The following ASCC3 variants were observed in gnomAD, a reference collection of about 807,000 sequenced individuals.
ASCC3 encodes the protein activating signal cointegrator 1 complex subunit 3, also known as ASC-1 complex subunit P200.
ASCC3 carries 158 observed loss-of-function variants against 256.3 expected under a neutral mutation model. The observed-to-expected ratio is 0.62, with a 90% CI of 0.54 to 0.70. ASCC3 has a LOEUF of 0.70. ASCC3 is among the 30% of genes least tolerant of loss of function. The pLI, the probability that ASCC3 is intolerant of heterozygous loss-of-function variation, is 0.00. For synonymous variants in ASCC3, 948 were observed against 883.4 expected, an observed-to-expected ratio of 1.07 and a Z score of -1.30; for missense variants, 2,259 against 2,626.0, an observed-to-expected ratio of 0.86 and a Z score of 3.05.
At chr6:100,694,793 A>G (rs1334116774) in intron 13 of ASCC3, among the ~76,000 whole-genome samples, 1 of 152,180 alleles carries the variant, frequency 6.6e-6, no homozygotes, top group Admixed American at 6.5e-5. Flanking sequence ...TAAATTAATA[A>G]ATAGGGGAAA....
chr6:100,851,523 C>A (rs960083192), intron 3 of ASCC3, among the ~76,000 whole-genome samples: 5 of 152,106 alleles, frequency 3.3e-5, no homozygotes, highest in African/African-American at 4.8e-5. Flanking sequence ...ATTGTAGACT[C>A]ACAGAAACAT....
intron 34 of ASCC3, among the ~76,000 whole-genome samples, chr6:100,590,648 T>C (rs1379146088): frequency 6.6e-6 from 1 of 152,060 alleles, no homozygotes; most frequent in Non-Finnish European, 1.5e-5. Context: ...AGAGAACCGG[T>C]TCTCATCCCT....
rs552426753 is a variant in ASCC3, at chr6:100,785,115, C to T, written c.1395+13598G>A. ...AAGAGTCATGTGTTTTAATGCTTTA[C>T]GATAAAAATATATTTTGAATCAGAT... On this transcript the variant is annotated intron_variant, in intron 8 of 41. Transcript: ENST00000369162. Among the ~76,000 whole-genome samples, 8 of 151,978 alleles carry T rather than the reference C, an allele frequency of 5.3e-5. No homozygotes were observed. The East Asian group carries it at 7.7e-4, about 15-fold the overall frequency.
intron 10 of ASCC3, among the ~76,000 whole-genome samples, chr6:100,762,066 A>G (rs1015271354): frequency 2.0e-5 from 3 of 152,148 alleles, no homozygotes; most frequent in Admixed American, 1.3e-4. Context: ...GTCAACCACA[A>G]TTGCTGGAGC....
chr6:100,702,156 G>C (rs1195503847), intron 13 of ASCC3, among the ~76,000 whole-genome samples: 1 of 152,154 alleles, frequency 6.6e-6, no homozygotes, highest in African/African-American at 2.4e-5. Flanking sequence ...GAAGTGGCTA[G>C]AGTAGTCCAG....
chr6:100,712,901 A>G (rs117686352), intron 13 of ASCC3, among the ~76,000 whole-genome samples: 6,660 of 151,074 alleles, frequency 0.044, 251 homozygotes, highest in East Asian at 0.19. Flanking sequence ...GGGACTACAG[A>G]CGCCCACCAC....
At chr6:100,589,540 AC>A in intron 36 of ASCC3, 93 bp downstream of exon 36, 1 of 1,481,006 alleles carries the variant, frequency 6.8e-7, no homozygotes, top group Non-Finnish European at 9.3e-7. Context: ...AAAGGGCTTT[AC>A]AAATGGTTTC....
intron 34 of ASCC3, among the ~76,000 whole-genome samples, chr6:100,590,357 A>T (rs537454963): frequency 6.6e-6 from 1 of 152,096 alleles, no homozygotes; most frequent in African/African-American, 2.4e-5. Context: ...GGAAAAATAC[A>T]TAAGTCCAGC....
chr6:100,594,648 G>C (rs1772187162), intron 34 of ASCC3, among the ~76,000 whole-genome samples: 1 of 152,050 alleles, frequency 6.6e-6, no homozygotes, highest in Non-Finnish European at 1.5e-5. Context: ...TCTAAAAATA[G>C]ATCTAGCATA....
At chr6:100,776,134 G>T (rs1374502284) in intron 8 of ASCC3, among the ~76,000 whole-genome samples, 1 of 151,968 alleles carries the variant, frequency 6.6e-6, no homozygotes, top group Non-Finnish European at 1.5e-5. Context: ...ATTAAATGCA[G>T]CTAATAATCT....
At chr6:100,612,753 G>T (rs531866698) in intron 30 of ASCC3, among the ~76,000 whole-genome samples, 1 of 151,868 alleles carries the variant, frequency 6.6e-6, no homozygotes, top group African/African-American at 2.4e-5. Context: ...TAATAAAAAA[G>T]AATTCAAGAA....
At chr6:100,512,983 A>C in intron 39 of ASCC3, 65 bp from the exon 40 acceptor site, 1 of 1,432,102 alleles carries the variant, frequency 7.0e-7, no homozygotes, top group Non-Finnish European at 9.6e-7. Flanking sequence ...ATCAATTAAG[A>C]AATAGTGTGC....
chr6:100,565,524 G>T (rs1366168871), intron 36 of ASCC3, among the ~76,000 whole-genome samples: 1 of 152,160 alleles, frequency 6.6e-6, no homozygotes, highest in Non-Finnish European at 1.5e-5. Flanking sequence ...TGGTCTGAAA[G>T]CCAGGATAAT....
intron 38 of ASCC3, 24 bp from the exon 39 acceptor site, chr6:100,516,351 C>G (rs1774028589): frequency 1.2e-6 from 2 of 1,613,066 alleles, no homozygotes; most frequent in African/African-American, 1.3e-5. Context: ...TCAAACCAAC[C>G]AAATAATTGT....
intron 22 of ASCC3, 45 bp downstream of exon 22, chr6:100,646,570 C>T: frequency 6.3e-7 from 1 of 1,597,856 alleles, no homozygotes; most frequent in Non-Finnish European, 8.6e-7. Context: ...GTCTGTAGTA[C>T]AGATATTTTT....
intron 37 of ASCC3, among the ~76,000 whole-genome samples, chr6:100,526,521 T>C (rs140607643): frequency 6.6e-6 from 1 of 152,288 alleles, no homozygotes; most frequent in Admixed American, 6.5e-5. Context: ...TGAAGGGAGA[T>C]TGGCTATAAA....
At chr6:100,732,823 T>C (rs1284261413) in intron 10 of ASCC3, among the ~76,000 whole-genome samples, 1 of 152,164 alleles carries the variant, frequency 6.6e-6, no homozygotes. Context: ...CCACAACCTA[T>C]ACCTCAAGGT....
At chr6:100,722,917 T>C (rs1471109092) in intron 11 of ASCC3, among the ~76,000 whole-genome samples, 1 of 151,808 alleles carries the variant, frequency 6.6e-6, no homozygotes, top group East Asian at 1.9e-4. Flanking sequence ...CAATTTCTTC[T>C]ATTGTTGAAT....
intron 37 of ASCC3, among the ~76,000 whole-genome samples, chr6:100,527,068 G>C (rs1774612084): frequency 6.6e-6 from 1 of 152,094 alleles, no homozygotes; most frequent in East Asian, 1.9e-4. Flanking sequence ...ATGATACACT[G>C]AGATCTATAT....
Sources: allele counts gnomAD v4.1 joint callset (sites outside exome capture counted in the v4.1 genomes callset), GRCh38; gene constraint gnomAD v4.1.1; transcripts MANE v1.5; gene names NCBI Gene and HGNC (gene_info 2026-07-23, HGNC 2026-07-21).